The following PLCE1 variants were observed in gnomAD, a reference collection of about 807,000 sequenced individuals.
PLCE1 encodes phospholipase C epsilon 1, also known as 1-phosphatidylinositol 4,5-bisphosphate phosphodiesterase epsilon-1.
A neutral mutation model predicts 242.8 loss-of-function variants in PLCE1; 119 were observed. The observed-to-expected ratio is 0.49, with a 90% CI of 0.42 to 0.57. The LOEUF (loss-of-function observed/expected upper bound fraction) is 0.57. Among genes scored for constraint, PLCE1 ranks in the 20% least tolerant of loss-of-function variants. The pLI is 0.00. For missense variants in PLCE1, 2,441 were observed against 2,788.8 expected, an observed-to-expected ratio of 0.88 and a Z score of 2.81; for synonymous variants, 945 against 1,017.4, an observed-to-expected ratio of 0.93 and a Z score of 1.35.
intron 5 of PLCE1, 96 bp from the exon 6 acceptor site, chr10:94,233,958 A>T: frequency 2.6e-6 from 3 of 1,172,944 alleles, no homozygotes; most frequent in Non-Finnish European, 3.7e-6. Flanking sequence ...AAAAAAAAAA[A>T]TGGTAAAAAG....
At chr10:94,002,341 T>C (rs1425256893) in intron 1 of PLCE1, among the ~76,000 whole-genome samples, 1 of 152,156 alleles carries the variant, frequency 6.6e-6, no homozygotes, top group Non-Finnish European at 1.5e-5. Context: ...TAATGCCAAG[T>C]CATGGGATGG....
At chr10:94,117,010 A>G (rs886689416) in intron 2 of PLCE1, among the ~76,000 whole-genome samples, 1 of 152,142 alleles carries the variant, frequency 6.6e-6, no homozygotes, top group African/African-American at 2.4e-5. Flanking sequence ...CTTATAGTGT[A>G]TCATGGTCTC....
At chr10:94,160,520 C>T (rs1197102590) in intron 3 of PLCE1, among the ~76,000 whole-genome samples, 1 of 152,082 alleles carries the variant, frequency 6.6e-6, no homozygotes, top group African/African-American at 2.4e-5. Context: ...TGGATATTAG[C>T]CCTTTGTCAG....
chr10:94,325,189 A>G, intron 32 of PLCE1, 85 bp downstream of exon 32: 1 of 987,088 alleles, frequency 1.0e-6, no homozygotes, highest in Non-Finnish European at 1.6e-6. Context: ...AATGTCTTTT[A>G]TCTTTTCCAA....
At chr10:94,195,527 C>G (rs1011081041) in intron 4 of PLCE1, among the ~76,000 whole-genome samples, 7 of 152,038 alleles carry the variant, frequency 4.6e-5, no homozygotes, top group Non-Finnish European at 1.0e-4. Context: ...AATGATATGA[C>G]ACAACTCATG....
rs1243552806 is a variant in PLCE1 at position 94,331,434 on chromosome 10, T to C, written c.*3491T>C. The C allele has an allele frequency of 6.6e-6, 1 of 152,240 alleles. No individual in the cohort carries two copies. Among genetic ancestry groups the C allele is most frequent in the Non-Finnish European group, 1.5e-5 (1 of 68,060 alleles). 9.4% of individuals were successfully genotyped at this position (152,240 alleles called of 1,614,324 possible). On this transcript the variant is annotated 3_prime_UTR_variant, in exon 33 of 33. Transcript: ENST00000371380. Reference sequence around the variant, plus strand: ...ATTCTGGAAAGTTATCAGGGCTTGCTTACTGGCCCAATAAAATTGAATTAA... The same window carrying C: ...ATTCTGGAAAGTTATCAGGGCTTGCCTACTGGCCCAATAAAATTGAATTAA...
chr10:94,252,351 C>T lies in PLCE1; in HGVS notation c.3132C>T (p.His1044=), dbSNP rs61732522. ...DGRYEGPTLA[H]AVELFGGRRW... ...GGTATGAAGGCCCAACTTTGGCTCA[C>T]GCTGTGGAGTTGTTTGGTGGCAGAC... is the stretch of plus-strand genomic sequence containing the variant. The change falls in exon 9 of 33, where the codon CAC becomes CAT. Residue 1044 remains histidine (H), a synonymous_variant. Transcript: ENST00000371380. The T allele has an allele frequency of 7.5e-3, 12,082 of 1,614,042 alleles. 223 individuals are homozygous for T. The highest frequency in any genetic ancestry group is 0.069 in the African/African-American group (5,141 of 74,976).
At chr10:94,046,228 T>C (rs1344914390) in intron 2 of PLCE1, among the ~76,000 whole-genome samples, 1 of 152,238 alleles carries the variant, frequency 6.6e-6, no homozygotes, top group Non-Finnish European at 1.5e-5. Flanking sequence ...TTCTCTCTGG[T>C]TAATGAGTGT....
rs1020324868 is a variant in PLCE1, at chr10:94,265,884, A to G, written c.4207A>G (p.Ile1403Val). ...GCAGCTACCCCTCTCATACTATTAC[A>G]TCGAATCTTCGCACAATACCTACCT... The part of the protein sequence containing the change: ...ELQLPLSYYY[I>V]ESSHNTYLTG... Residue 1403 changes from isoleucine to valine, a missense_variant, in exon 16 of 33, where the codon ATC (isoleucine) becomes GTC (valine). Around this residue, in one of 5 missense-constraint regions of PLCE1, gnomAD observed 1,004 missense variants for 1,322.7 expected, o/e 0.76. Transcript: ENST00000371380. 2 of 1,614,074 alleles carry G rather than the reference A, an allele frequency of 1.2e-6. No individual in the cohort carries two copies. Among genetic ancestry groups the G allele is most frequent in the Non-Finnish European group, 1.7e-6 (2 of 1,179,944 alleles).
chr10:94,171,360 T>C lies in PLCE1; in HGVS notation c.1673T>C (p.Phe558Ser). Residue 558 changes from phenylalanine to serine, a missense_variant, in exon 4 of 33, where the codon TTC (phenylalanine) becomes TCC (serine). By Grantham distance (155) the Phe-to-Ser change is radical (BLOSUM62 -2). This residue lies in a region of PLCE1 where 733 missense variants were observed against 754.2 expected (regional missense o/e 0.97). Coordinates refer to ENST00000371380, the MANE Select transcript of PLCE1 (RefSeq NM_016341.4). ...RRVLPVDYLCFLTRDLGTPEC... is the reference protein window; with the variant it reads ...RRVLPVDYLCSLTRDLGTPEC... ...GTCTTGCCAGTCGACTACCTTTGCTTCTTAACACGGGACTTGGGCACTCCT... is the reference window on the plus strand; with the variant it reads ...GTCTTGCCAGTCGACTACCTTTGCTCCTTAACACGGGACTTGGGCACTCCT... 3.7e-6 allele frequency: 6 copies of C among 1,614,196 alleles called. No individual in the cohort carries two copies. The highest frequency in any genetic ancestry group is 5.1e-6 in the Non-Finnish European group (6 of 1,180,032).
At chr10:94,170,393 A>G (rs2047935266) in intron 3 of PLCE1, among the ~76,000 whole-genome samples, 1 of 152,220 alleles carries the variant, frequency 6.6e-6, no homozygotes, top group African/African-American at 2.4e-5. Flanking sequence ...CAAAATAAAG[A>G]GAAGGCAAGT....
chr10:94,292,259 AC>A (rs1333755802), intron 22 of PLCE1, among the ~76,000 whole-genome samples: 2 of 152,192 alleles, frequency 1.3e-5, no homozygotes, highest in Admixed American at 1.3e-4. Flanking sequence ...ACTTCCCTGA[AC>A]AAGACACACT....
intron 7 of PLCE1, among the ~76,000 whole-genome samples, chr10:94,239,446 C>T (rs546781884): frequency 3.9e-5 from 6 of 152,342 alleles, no homozygotes; most frequent in East Asian, 3.9e-4. Flanking sequence ...TCCCCTTCAC[C>T]GTCCACCATG....
At chr10:94,214,311 C>G (rs186039572) in intron 4 of PLCE1, among the ~76,000 whole-genome samples, 212 of 152,290 alleles carry the variant, frequency 1.4e-3, no homozygotes, top group Non-Finnish European at 2.3e-3. Flanking sequence ...CCAGAGCTGC[C>G]TACTTGATCT....
intron 27 of PLCE1, among the ~76,000 whole-genome samples, chr10:94,310,305 C>T (rs567365319): frequency 3.2e-4 from 49 of 152,284 alleles, no homozygotes; most frequent in African/African-American, 1.2e-3. Context: ...TTTTGACTCC[C>T]GCTGTCCCTG....
intron 7 of PLCE1, among the ~76,000 whole-genome samples, chr10:94,240,320 T>G (rs569560906): frequency 2.0e-5 from 3 of 152,308 alleles, no homozygotes; most frequent in African/African-American, 7.2e-5. Flanking sequence ...TATTAAACTA[T>G]TTAATCTTCA....
chr10:94,208,641 G>A (rs1343809814), intron 4 of PLCE1, among the ~76,000 whole-genome samples: 6 of 152,146 alleles, frequency 3.9e-5, no homozygotes, highest in Non-Finnish European at 8.8e-5. Flanking sequence ...CCAAACACAA[G>A]GCTTTATTAG....
At chr10:94,041,660 G>A (rs2061769680) in intron 2 of PLCE1, among the ~76,000 whole-genome samples, 2 of 152,184 alleles carry the variant, frequency 1.3e-5, no homozygotes, top group Non-Finnish European at 2.9e-5. Context: ...AACCCCCAGT[G>A]CTTCCTAGAC....
At chr10:94,253,260 C>A (rs1395717862) in intron 9 of PLCE1, among the ~76,000 whole-genome samples, 1 of 152,146 alleles carries the variant, frequency 6.6e-6, no homozygotes, top group Admixed American at 6.5e-5. Flanking sequence ...TGGTGACAGC[C>A]TCCGGAAGCT....
Sources: gnomAD v4.1 joint callset for allele counts (sites outside exome capture counted in the v4.1 genomes callset) on GRCh38, gnomAD v4.1.1 for gene constraint, gnomAD v4.1.1 regional missense constraint, MANE v1.5 for transcripts, NCBI Gene and HGNC (gene_info 2026-07-23, HGNC 2026-07-21) for gene names.